RNF43: variants seen among roughly 807,000 people sequenced by gnomAD.
RNF43 encodes the protein ring finger protein 43, also known as E3 ubiquitin-protein ligase RNF43.
RNF43 carries 37 observed loss-of-function variants against 78.4 expected under a neutral mutation model. That is an observed-to-expected ratio of 0.47 (90% CI 0.36 to 0.62). RNF43 has a LOEUF of 0.62. Ranked by LOEUF, RNF43 falls within the 20% of genes least tolerant of loss-of-function variation. RNF43 has a pLI of 0.00. For synonymous variants in RNF43, 347 were observed against 395.0 expected, an observed-to-expected ratio of 0.88 and a Z score of 1.44; for missense variants, 774 against 1,007.9, an observed-to-expected ratio of 0.77 and a Z score of 3.14.
At chr17:58,411,551 T>C (rs1974024526) in intron 2 of RNF43, among the ~76,000 whole-genome samples, 1 of 152,128 alleles carries the variant, frequency 6.6e-6, no homozygotes, top group Non-Finnish European at 1.5e-5. Context: ...GCTAAACTAC[T>C]GCTGCTCCCA....
chr17:58,405,576 G>A (rs1011503827), intron 2 of RNF43, among the ~76,000 whole-genome samples: 1 of 151,968 alleles, frequency 6.6e-6, no homozygotes, highest in African/African-American at 2.4e-5. Flanking sequence ...AGCTTTGGGA[G>A]GCAGAAGTGG....
rs984533629 is a variant in RNF43, at chr17:58,360,975, C to T, written c.688-31G>A. 2.0e-6 allele frequency: 3 copies of T among 1,513,538 alleles called. No individual in the cohort carries two copies. Among genetic ancestry groups the T allele is most frequent in the Non-Finnish European group, 2.7e-6 (3 of 1,127,260 alleles). 93.8% of individuals were successfully genotyped at this position (1,513,538 alleles called of 1,614,324 possible). A position where few individuals can be genotyped will look rare whatever the true frequency, so the allele number is the denominator to read the frequency against. Reference sequence around the variant, plus strand: ...AAGAGGAATGGGGCTCAGATTGGGGCATGGGCTCCCCTTCCCTCCCTCTCT... The same window carrying T: ...AAGAGGAATGGGGCTCAGATTGGGGTATGGGCTCCCCTTCCCTCCCTCTCT... On this transcript the variant is annotated intron_variant, in intron 6 of 9. Transcript: ENST00000407977. The surrounding 1 kb of genome is among the most constrained non-coding windows in gnomAD (Gnocchi z 4.3).
intron 6 of RNF43, 143 bp downstream of exon 6, chr17:58,362,401 A>G: frequency 3.7e-6 from 2 of 541,222 alleles, no homozygotes; most frequent in East Asian, 3.2e-5. Context: ...CTGGAAATCA[A>G]CAAAGACAGA....
chr17:58,364,730 T>C lies in RNF43; in HGVS notation c.376-1130A>G, dbSNP rs1268450099. Among the ~76,000 whole-genome samples the C allele has an allele frequency of 2.6e-5, 4 of 152,360 alleles. No homozygotes were observed. In the East Asian group the frequency reaches 7.7e-4, roughly 29 times the overall value. On this transcript the variant is annotated intron_variant, in intron 3 of 9. Transcript: ENST00000407977. ...AGTCTCTGGGGTCTTCCCACAGGCA[T>C]TGAAGGAGTTAACCCTCCTGCAAGT...
chr17:58,363,469 G>A (rs1409005358), intron 4 of RNF43, 57 bp downstream of exon 4: 9 of 1,613,030 alleles, frequency 5.6e-6, no homozygotes, highest in South Asian at 2.2e-5. Context: ...TCTCCCCTGA[G>A]AGCTTTATCT....
chr17:58,376,771 T>C (rs1046288254), intron 2 of RNF43, among the ~76,000 whole-genome samples: 13 of 152,174 alleles, frequency 8.5e-5, no homozygotes, highest in African/African-American at 3.1e-4. Context: ...AGAAATGAGC[T>C]TGCCTGATTT....
chr17:58,388,819 T>G (rs759896254), intron 2 of RNF43, among the ~76,000 whole-genome samples: 2 of 152,218 alleles, frequency 1.3e-5, no homozygotes, highest in South Asian at 2.1e-4. Context: ...CTTCTGAGCT[T>G]ACTTGAGAAG....
In RNF43 at chr17:58,357,749, GGGTGCACA is replaced by G; in HGVS notation, c.2019_2026del (p.Val674SerfsTer70). 6.2e-7 allele frequency: 1 copy of G among 1,612,916 alleles called. No homozygotes were observed. Among genetic ancestry groups the G allele is most frequent in the Non-Finnish European group, 8.5e-7 (1 of 1,179,432 alleles). ...GTAATGGGGAAAAATCTGGCAAGCT[GGGTGCACA>G]GTTGCATCCTGGGGCCGAGAGCCAG... On this transcript the variant is annotated frameshift_variant, in exon 9 of 10. Transcript: ENST00000407977. LOFTEE classifies it high-confidence loss of function. The surrounding 1 kb of genome is among the most constrained non-coding windows in gnomAD (Gnocchi z 4.5).
At chr17:58,353,152 C>T, downstream of RNF43, 1 of 208,438 alleles carries the variant, frequency 4.8e-6, no homozygotes, top group Non-Finnish European at 9.8e-6. Context: ...CGCTGTCATT[C>T]CAGCCCAGCC....
intron 2 of RNF43, among the ~76,000 whole-genome samples, chr17:58,387,718 T>C (rs749982919): frequency 7.2e-5 from 11 of 151,808 alleles, no homozygotes; most frequent in East Asian, 1.9e-4. Flanking sequence ...TACTATTAGA[T>C]TGACAATGAC....
chr17:58,374,516 C>G (rs1324837502), intron 2 of RNF43, among the ~76,000 whole-genome samples: 2 of 152,152 alleles, frequency 1.3e-5, no homozygotes, highest in African/African-American at 4.8e-5. Flanking sequence ...CCTCAGCCTC[C>G]CAAGTAGCTG....
At chr17:58,355,082 C>T in intron 9 of RNF43, 96 bp from the exon 10 acceptor site, 3 of 1,104,354 alleles carry the variant, frequency 2.7e-6, no homozygotes, top group Non-Finnish European at 4.1e-6. Context: ...GAGGGGACCA[C>T]AGGGAGGGAG....
chr17:58,412,909 A>C (rs1974051605), intron 2 of RNF43, among the ~76,000 whole-genome samples: 1 of 152,114 alleles, frequency 6.6e-6, no homozygotes, highest in Non-Finnish European at 1.5e-5. Context: ...ATTTGACTGC[A>C]ATCTTTGGAG....
chr17:58,371,996 A>C (rs1381117947), intron 2 of RNF43, among the ~76,000 whole-genome samples: 1 of 152,218 alleles, frequency 6.6e-6, no homozygotes, highest in Non-Finnish European at 1.5e-5. Context: ...TTTGGCCCTG[A>C]ATAATCCTAT....
intron 3 of RNF43, among the ~76,000 whole-genome samples, chr17:58,368,636 C>G (rs1309352293): frequency 6.6e-6 from 1 of 150,902 alleles, no homozygotes; most frequent in Non-Finnish European, 1.5e-5. Context: ...TCACTTGAAC[C>G]TGGGAGGCAG....
At chr17:58,402,488 CT>C (rs1973825497) in intron 2 of RNF43, among the ~76,000 whole-genome samples, 1 of 152,132 alleles carries the variant, frequency 6.6e-6, no homozygotes, top group South Asian at 2.1e-4. Flanking sequence ...GGAAGGAAAG[CT>C]AGATAATCTA....
intron 2 of RNF43, among the ~76,000 whole-genome samples, chr17:58,385,396 TCTTAA>T (rs779424294): frequency 1.1e-4 from 17 of 152,346 alleles, no homozygotes; most frequent in East Asian, 3.9e-4. Flanking sequence ...CAATAACCTC[TCTTAA>T]CTTAACCTAT....
rs764379334 is a variant in RNF43 at position 58,415,545 on chromosome 17, G to A, written c.33C>T (p.Ala11=). Residue 11 remains alanine (A), a synonymous_variant, in exon 2 of 10, where the codon GCC becomes GCT. Transcript: ENST00000407977. MSGGHQLQLA[A]LWPWLLMATL... ...TAGCCATCAGCAGCCAGGGCCAGAG[G>A]GCAGCCAGCTGCAGCTGGTGGCCAC... 35 of 1,610,290 alleles carry A rather than the reference G, an allele frequency of 2.2e-5. No homozygotes were observed. Among genetic ancestry groups the A allele is most frequent in the South Asian group, 3.3e-5 (3 of 91,084 alleles).
chr17:58,365,122 A>G (rs1972923915), intron 3 of RNF43, among the ~76,000 whole-genome samples: 1 of 152,216 alleles, frequency 6.6e-6, no homozygotes, highest in Non-Finnish European at 1.5e-5. Context: ...GAAGGAGTTG[A>G]GAGGTTCATG....
Sources: gnomAD v4.1 joint callset for allele counts (sites outside exome capture counted in the v4.1 genomes callset) on GRCh38, gnomAD v4.1.1 for gene constraint, Gnocchi (gnomAD v3.1) non-coding constraint, MANE v1.5 for transcripts, NCBI Gene and HGNC (gene_info 2026-07-23, HGNC 2026-07-21) for gene names.